Variants in CDK15 observed in about 807,000 individuals in gnomAD.
CDK15 encodes the protein cyclin dependent kinase 15, also known as cyclin-dependent kinase 15.
A neutral mutation model predicts 60.3 loss-of-function variants in CDK15; 62 were observed. The ratio of observed to expected loss-of-function variants is 1.03; its 90% confidence interval spans 0.84 to 1.27. The LOEUF (loss-of-function observed/expected upper bound fraction) is 1.27, where lower values mean the gene tolerates loss of function less well. Among genes scored for constraint, CDK15 ranks in the 50% most tolerant of loss-of-function variants. CDK15 has a pLI of 0.00. For missense variants in CDK15, 541 were observed against 527.8 expected, an observed-to-expected ratio of 1.03 and a Z score of -0.25; for synonymous variants, 194 against 195.7, an observed-to-expected ratio of 0.99 and a Z score of 0.07.
chr2:201,894,073 CCACACACACACACACACACACACA>C lies in CDK15; in HGVS notation c.*824_*847del, dbSNP rs5837794. 6.9e-6 allele frequency: 1 copy of C among 144,314 alleles called. No homozygotes were observed. The highest frequency in any genetic ancestry group is 1.5e-5 in the Non-Finnish European group (1 of 66,444). 8.9% of individuals were successfully genotyped at this position (144,314 alleles called of 1,614,324 possible). A position where few individuals can be genotyped will look rare whatever the true frequency, so the allele number is the denominator to read the frequency against. On this transcript the variant is annotated 3_prime_UTR_variant, in exon 14 of 14. Coordinates refer to ENST00000652192, the MANE Select transcript of CDK15 (RefSeq NM_001366386.2). ...ATGTAATTTAAGCCCTGTTGCACCA[CCACACACACACACACACACACACA>C]CACACACACACACACACCCCTCAAG...
intron 8 of CDK15, among the ~76,000 whole-genome samples, chr2:201,836,280 T>A (rs1330124211): frequency 6.9e-6 from 1 of 145,164 alleles, no homozygotes; most frequent in Non-Finnish European, 1.5e-5. Flanking sequence ...CTCAGCTCAC[T>A]GCAACCTCCA....
chr2:201,816,704 G>T (rs540635940), intron 4 of CDK15, among the ~76,000 whole-genome samples: 22 of 151,986 alleles, frequency 1.4e-4, no homozygotes, highest in African/African-American at 5.3e-4. Flanking sequence ...TTTTTTTGAG[G>T]CAGGAGATGG....
intron 9 of CDK15, 76 bp downstream of exon 9, chr2:201,847,550 A>ATTTGG: frequency 8.1e-7 from 1 of 1,236,012 alleles, no homozygotes; most frequent in Non-Finnish European, 1.2e-6. Flanking sequence ...TTACAGACAA[A>ATTTGG]TGAAGCAGTC....
chr2:201,890,692 T>C, intron 12 of CDK15, 93 bp from the exon 13 acceptor site: 1 of 891,774 alleles, frequency 1.1e-6, no homozygotes, highest in Non-Finnish European at 1.7e-6. Context: ...TTTTGACATT[T>C]CTTCAGGTGG....
intron 8 of CDK15, among the ~76,000 whole-genome samples, chr2:201,840,968 C>A (rs1697350350): frequency 6.6e-6 from 1 of 152,132 alleles, no homozygotes; most frequent in Non-Finnish European, 1.5e-5. Context: ...CTATTCTATT[C>A]TCTCTCTGTA....
At chr2:201,806,845 A>G in intron 1 of CDK15, 58 bp downstream of exon 1, 1 of 1,568,516 alleles carries the variant, frequency 6.4e-7, no homozygotes, top group Non-Finnish European at 8.6e-7. Flanking sequence ...GAGTTCAGAC[A>G]CTCCCTTTTT....
chr2:201,845,380 C>T (rs532539971), intron 8 of CDK15, among the ~76,000 whole-genome samples: 1 of 152,016 alleles, frequency 6.6e-6, no homozygotes, highest in Admixed American at 6.5e-5. Context: ...TGTTCCCAAA[C>T]CAGACACAAA....
chr2:201,858,957 C>G (rs1698264889), intron 10 of CDK15, among the ~76,000 whole-genome samples: 4 of 152,120 alleles, frequency 2.6e-5, no homozygotes, highest in Admixed American at 2.0e-4. Flanking sequence ...CAGCACACCC[C>G]CTTTTCACAT....
chr2:201,888,617 T>C, intron 12 of CDK15: 2 of 1,419,736 alleles, frequency 1.4e-6, no homozygotes, highest in Non-Finnish European at 9.1e-7. Flanking sequence ...TCCTTTTTCT[T>C]TTTCTATGAG....
intron 10 of CDK15, among the ~76,000 whole-genome samples, chr2:201,866,973 C>T (rs1698657394): frequency 6.6e-6 from 1 of 152,178 alleles, no homozygotes; most frequent in Admixed American, 6.6e-5. Context: ...CACAATCCTT[C>T]TACCCCAAAC....
At chr2:201,835,551 A>AT (rs1696967809) in intron 7 of CDK15, 92 bp from the exon 8 acceptor site, 24 of 1,312,570 alleles carry the variant, frequency 1.8e-5, no homozygotes, top group South Asian at 8.9e-5. Flanking sequence ...TTTGTGTGTT[A>AT]TTTTTTCTAA....
At chr2:201,832,966 T>G (rs1161489592) in intron 6 of CDK15, among the ~76,000 whole-genome samples, 2 of 152,252 alleles carry the variant, frequency 1.3e-5, no homozygotes, top group Non-Finnish European at 2.9e-5. Flanking sequence ...AATTCTCAAT[T>G]GCCAATGGCA....
chr2:201,861,915 C>T lies in CDK15; in HGVS notation c.1009+6978C>T, dbSNP rs140454557. On this transcript the variant is annotated intron_variant, in intron 10 of 13. Coordinates refer to ENST00000652192, the MANE Select transcript of CDK15 (RefSeq NM_001366386.2). ...GCTCAGTGACTTGCCATGGTTCAGA[C>T]CCAGTGACAGGTGTGTGAGAACTGA... is the stretch of plus-strand genomic sequence containing the variant. 4.5e-3 allele frequency among the ~76,000 whole-genome samples: 691 copies of T among 152,250 alleles called. 6 individuals carry two copies. The highest frequency in any genetic ancestry group is 0.016 in the African/African-American group (662 of 41,550).
At chr2:201,816,839 C>CA (rs1188933221) in intron 4 of CDK15, among the ~76,000 whole-genome samples, 1 of 152,152 alleles carries the variant, frequency 6.6e-6, no homozygotes, top group East Asian at 1.9e-4. Flanking sequence ...TTACCATTGC[C>CA]ATGGCAACAC....
At chr2:201,843,287 A>G (rs1462069846) in intron 8 of CDK15, among the ~76,000 whole-genome samples, 1 of 152,114 alleles carries the variant, frequency 6.6e-6, no homozygotes. Flanking sequence ...CCCCGGTTCA[A>G]GTGATTCTCC....
At chr2:201,842,749 T>C (rs1401302035) in intron 8 of CDK15, among the ~76,000 whole-genome samples, 3 of 152,200 alleles carry the variant, frequency 2.0e-5, no homozygotes, top group Non-Finnish European at 4.4e-5. Flanking sequence ...AGAAAACATC[T>C]AAGCAGTTTC....
chr2:201,861,580 T>TA lies in CDK15; in HGVS notation c.1009+6644dup, dbSNP rs1211934563. On this transcript the variant is annotated intron_variant, in intron 10 of 13. Coordinates refer to ENST00000652192, the MANE Select transcript of CDK15 (RefSeq NM_001366386.2). The stretch of plus-strand genomic sequence containing the variant: ...TTTTTTTTTTCTTTTTTTTTTTTTT[T>TA]AGATGAAGTCTCACTTGTCACCCAG... The TA allele has an allele frequency of 5.8e-6, 5 of 869,240 alleles. No individual in the cohort carries two copies. In the East Asian group the frequency reaches 6.1e-4, roughly 106 times the overall value. 53.8% of individuals were successfully genotyped at this position (869,240 alleles called of 1,614,324 possible).
At chr2:201,827,966 G>A (rs886828325) in intron 6 of CDK15, among the ~76,000 whole-genome samples, 1 of 152,166 alleles carries the variant, frequency 6.6e-6, no homozygotes, top group Non-Finnish European at 1.5e-5. Context: ...TTGATATTAT[G>A]GTAGTGACAA....
At chr2:201,830,439 C>A (rs1696701099) in intron 6 of CDK15, among the ~76,000 whole-genome samples, 1 of 152,044 alleles carries the variant, frequency 6.6e-6, no homozygotes, top group South Asian at 2.1e-4. Flanking sequence ...TCATGGGAAA[C>A]CATGGTAAAA....
Sources: allele counts gnomAD v4.1 joint callset (sites outside exome capture counted in the v4.1 genomes callset), GRCh38; gene constraint gnomAD v4.1.1; transcripts MANE v1.5; gene names NCBI Gene and HGNC (gene_info 2026-07-23, HGNC 2026-07-21).